Variants in CNTN5 observed in about 807,000 individuals in gnomAD.
CNTN5 encodes contactin 5.
A neutral mutation model predicts 129.1 loss-of-function variants in CNTN5; 77 were observed. The ratio of observed to expected loss-of-function variants is 0.60; its 90% CI spans 0.50 to 0.72. The LOEUF is 0.72. Ranked by LOEUF, CNTN5 falls within the 30% of genes least tolerant of loss-of-function variation. CNTN5 has a pLI of 0.00. For missense variants in CNTN5, 1,478 were observed against 1,328.8 expected (o/e 1.11, Z -1.75); for synonymous variants, 509 against 465.6 (o/e 1.09, Z -1.20).
chr11:99,264,141 C>T (rs1862771885), intron 1 of CNTN5, among the ~76,000 whole-genome samples: 1 of 151,660 alleles, frequency 6.6e-6, no homozygotes, highest in South Asian at 2.1e-4. Flanking sequence ...CTCATGCTCA[C>T]AGGATACCTA....
intron 21 of CNTN5, among the ~76,000 whole-genome samples, chr11:100,333,432 A>AC (rs1951954680): frequency 7.3e-6 from 1 of 137,154 alleles, no homozygotes; most frequent in Non-Finnish European, 1.6e-5. Flanking sequence ...AAAAAAAAAA[A>AC]CACCTAAAAT....
chr11:99,818,729 A>G (rs2135549877), intron 3 of CNTN5, among the ~76,000 whole-genome samples: 1 of 152,292 alleles, frequency 6.6e-6, no homozygotes, highest in South Asian at 2.1e-4. Context: ...TTATGGACAT[A>G]AAGGAAAGTT....
At chr11:99,697,090 C>A (rs1954302648) in intron 3 of CNTN5, among the ~76,000 whole-genome samples, 1 of 151,768 alleles carries the variant, frequency 6.6e-6, no homozygotes. Context: ...AATTAATATC[C>A]AAAGTATAAA....
At chr11:99,331,150 G>A (rs1361885085) in intron 2 of CNTN5, among the ~76,000 whole-genome samples, 4 of 152,100 alleles carry the variant, frequency 2.6e-5, no homozygotes, top group African/African-American at 9.7e-5. Flanking sequence ...AATTAAGACA[G>A]TGTGTTTTGG....
At chr11:100,080,705 A>G (rs1213603783) in intron 13 of CNTN5, among the ~76,000 whole-genome samples, 1 of 152,110 alleles carries the variant, frequency 6.6e-6, no homozygotes, top group African/African-American at 2.4e-5. Flanking sequence ...TTCCTCTGTG[A>G]CAGTGTCTTT....
chr11:99,043,704 A>G (rs1864097230), intron 1 of CNTN5, among the ~76,000 whole-genome samples: 1 of 152,180 alleles, frequency 6.6e-6, no homozygotes, highest in Non-Finnish European at 1.5e-5. Flanking sequence ...TTCACATTCA[A>G]ATTTTTCTAC....
At chr11:99,463,036 A>G (rs941846358) in intron 2 of CNTN5, among the ~76,000 whole-genome samples, 19 of 151,936 alleles carry the variant, frequency 1.3e-4, no homozygotes, top group African/African-American at 4.6e-4. Context: ...TGAACACAGG[A>G]GGCGGAGGTT....
chr11:100,145,103 T>G (rs1481821253), intron 13 of CNTN5, among the ~76,000 whole-genome samples: 1 of 148,810 alleles, frequency 6.7e-6, no homozygotes. Flanking sequence ...TGTGTGATTA[T>G]GAGAAAGTCA....
chr11:99,240,197 TG>T (rs113321737), intron 1 of CNTN5, among the ~76,000 whole-genome samples: 5,637 of 152,238 alleles, frequency 0.037, 352 homozygotes, highest in African/African-American at 0.13. Flanking sequence ...TTTCCTCTTT[TG>T]GCTTTTGCCT....
At chr11:99,247,499 T>A (rs1476826938) in intron 1 of CNTN5, among the ~76,000 whole-genome samples, 2 of 152,004 alleles carry the variant, frequency 1.3e-5, no homozygotes, top group East Asian at 3.9e-4. Flanking sequence ...TTAGGGTACA[T>A]GTGCACAACG....
chr11:99,395,878 A>T (rs1435746212), intron 2 of CNTN5, among the ~76,000 whole-genome samples: 1 of 151,656 alleles, frequency 6.6e-6, no homozygotes, highest in East Asian at 1.9e-4. Flanking sequence ...TTTCTGGGCT[A>T]TCTATTCTGT....
At chr11:100,047,902 C>T (rs1018492351) in intron 9 of CNTN5, among the ~76,000 whole-genome samples, 6 of 152,024 alleles carry the variant, frequency 3.9e-5, no homozygotes, top group South Asian at 2.1e-4. Context: ...GAGGCCGAGG[C>T]GGGCAGATCA....
chr11:100,241,795 G>C (rs1226272794), intron 16 of CNTN5, among the ~76,000 whole-genome samples: 3 of 152,166 alleles, frequency 2.0e-5, no homozygotes, highest in Non-Finnish European at 2.9e-5. Flanking sequence ...AGCATGCAAA[G>C]GATCCTCAGA....
At chr11:99,287,114 G>A (rs893881117) in intron 1 of CNTN5, among the ~76,000 whole-genome samples, 2 of 152,130 alleles carry the variant, frequency 1.3e-5, no homozygotes, top group African/African-American at 4.8e-5. Context: ...ACAGCAAGGT[G>A]ACAAGTGCTC....
intron 3 of CNTN5, among the ~76,000 whole-genome samples, chr11:99,653,065 C>G (rs1222749231): frequency 1.3e-5 from 2 of 151,910 alleles, no homozygotes; most frequent in Non-Finnish European, 2.9e-5. Context: ...GTTTATACAT[C>G]AAATCTGAAT....
chr11:100,291,817 AAG>A (rs1477873630), intron 18 of CNTN5, among the ~76,000 whole-genome samples: 1 of 150,582 alleles, frequency 6.6e-6, no homozygotes, highest in Non-Finnish European at 1.5e-5. Flanking sequence ...AAATTAAAAA[AAG>A]GAAAAATATT....
At chr11:100,118,448 G>A (rs1945910472) in intron 13 of CNTN5, among the ~76,000 whole-genome samples, 2 of 151,852 alleles carry the variant, frequency 1.3e-5, no homozygotes, top group South Asian at 4.1e-4. Context: ...ATAAGAAAAT[G>A]ACATTGATAT....
chr11:99,903,423 A>G (rs1335757728), intron 6 of CNTN5, among the ~76,000 whole-genome samples: 6 of 148,508 alleles, frequency 4.0e-5, no homozygotes, highest in Middle Eastern at 3.4e-3. Flanking sequence ...TTGCAAAGGG[A>G]AAAAAAAACT....
At chr11:100,046,833 G>T (rs150722711) in intron 9 of CNTN5, among the ~76,000 whole-genome samples, 1 of 152,102 alleles carries the variant, frequency 6.6e-6, no homozygotes, top group East Asian at 1.9e-4. Flanking sequence ...TGGATAACAG[G>T]CATTGCAGGA....
Sources: gnomAD v4.1 joint callset for allele counts (sites outside exome capture counted in the v4.1 genomes callset) on GRCh38, gnomAD v4.1.1 for gene constraint, MANE v1.5 for transcripts, NCBI Gene and HGNC (gene_info 2026-07-23, HGNC 2026-07-21) for gene names.